PPP2R3A: variants seen among roughly 807,000 people sequenced by gnomAD.
PPP2R3A encodes the protein protein phosphatase 2 regulatory subunit B''alpha, also known as serine/threonine-protein phosphatase 2A regulatory subunit B'' subunit alpha.
Under a neutral mutation model 106.9 loss-of-function variants are expected in PPP2R3A, and 80 were observed. The observed-to-expected ratio is 0.75, with a 90% CI of 0.62 to 0.90. PPP2R3A has a LOEUF of 0.90. Ranked by LOEUF, PPP2R3A falls within the 40% of genes least tolerant of loss-of-function variation. The pLI is 0.00. For missense variants in PPP2R3A, 1,386 were observed against 1,350.4 expected, an observed-to-expected ratio of 1.03 and a Z score of -0.41; for synonymous variants, 483 against 468.3, an observed-to-expected ratio of 1.03 and a Z score of -0.41.
At chr3:135,978,952 C>G (rs1034658531) in intron 1 of PPP2R3A, among the ~76,000 whole-genome samples, 2 of 151,726 alleles carry the variant, frequency 1.3e-5, no homozygotes, top group African/African-American at 4.9e-5. Flanking sequence ...GCCACAGAAA[C>G]TTTGTAATAC....
At chr3:136,075,248 T>C (rs895055437) in intron 6 of PPP2R3A, among the ~76,000 whole-genome samples, 1 of 152,224 alleles carries the variant, frequency 6.6e-6, no homozygotes, top group South Asian at 2.1e-4. Context: ...AATGGTCAGA[T>C]TTCATTTATT....
intron 1 of PPP2R3A, among the ~76,000 whole-genome samples, chr3:135,981,967 G>A (rs917027891): frequency 2.6e-5 from 4 of 151,772 alleles, no homozygotes; most frequent in African/African-American, 9.7e-5. Flanking sequence ...CTCTGGTAGT[G>A]CTGCTTGCAG....
Position 136,047,155 on chromosome 3 carries a change from GA to G in PPP2R3A, c.2367-2100del, listed in dbSNP as rs577608404. On this transcript the variant is annotated intron_variant, in intron 4 of 13. Coordinates refer to ENST00000264977, the MANE Select transcript of PPP2R3A (RefSeq NM_002718.5). ...AGAAGGAGCGAGAGTACGCAACTTG[GA>G]AAACGTATGAGGATATAGTCCACGG... 3.9e-4 allele frequency among the ~76,000 whole-genome samples: 60 copies of G among 152,326 alleles called. 1 individual carries two copies. The South Asian group carries it at 0.012, about 29-fold the overall frequency.
intron 1 of PPP2R3A, among the ~76,000 whole-genome samples, chr3:135,978,743 G>A (rs1033258548): frequency 1.3e-5 from 2 of 151,822 alleles, no homozygotes; most frequent in Non-Finnish European, 2.9e-5. Context: ...GCTCGAAAAT[G>A]TAAGTATCAG....
intron 1 of PPP2R3A, among the ~76,000 whole-genome samples, chr3:135,971,671 A>T (rs1266141055): frequency 6.6e-6 from 1 of 152,218 alleles, no homozygotes; most frequent in Non-Finnish European, 1.5e-5. Flanking sequence ...TAACTTCTGT[A>T]TAAAGGATGA....
At chr3:135,967,214 C>T (rs1937114653) in intron 1 of PPP2R3A, among the ~76,000 whole-genome samples, 1 of 152,030 alleles carries the variant, frequency 6.6e-6, no homozygotes, top group South Asian at 2.1e-4. Flanking sequence ...AATCTAGGAG[C>T]TCAGAAATCT....
intron 8 of PPP2R3A, among the ~76,000 whole-genome samples, chr3:136,087,243 G>GTCTTTCTC (rs1491461536): frequency 2.7e-5 from 2 of 75,062 alleles, no homozygotes; most frequent in Admixed American, 2.9e-4. Context: ...GTCTCTAGTC[G>GTCTTTCTC]TGTCTCTCTC....
At chr3:136,089,645 C>T (rs1176010945) in intron 9 of PPP2R3A, among the ~76,000 whole-genome samples, 1 of 145,654 alleles carries the variant, frequency 6.9e-6, no homozygotes, top group Non-Finnish European at 1.5e-5. Context: ...CTGTGAAAAA[C>T]GACATTAGTT....
chr3:136,032,223 G>A (rs899378860), intron 3 of PPP2R3A, among the ~76,000 whole-genome samples: 3 of 152,052 alleles, frequency 2.0e-5, no homozygotes, highest in African/African-American at 7.2e-5. Context: ...ACTTGTAGAG[G>A]TCTTTCACCT....
At chr3:136,073,095 G>A (rs1013984194) in intron 6 of PPP2R3A, among the ~76,000 whole-genome samples, 6 of 152,120 alleles carry the variant, frequency 3.9e-5, no homozygotes, top group Non-Finnish European at 7.3e-5. Flanking sequence ...AGCCTCCCAA[G>A]TAGCTGGGAC....
chr3:136,015,462 CAA>C (rs1351213932), intron 2 of PPP2R3A, among the ~76,000 whole-genome samples: 1 of 150,166 alleles, frequency 6.7e-6, no homozygotes. Context: ...TTTTTGTTGG[CAA>C]TTTTTTTTTA....
chr3:135,970,298 A>G (rs1455646120), intron 1 of PPP2R3A, among the ~76,000 whole-genome samples: 2 of 152,238 alleles, frequency 1.3e-5, no homozygotes, highest in African/African-American at 4.8e-5. Context: ...TCAGAATTAA[A>G]GTGTGCAAAC....
intron 10 of PPP2R3A, among the ~76,000 whole-genome samples, chr3:136,093,143 T>C (rs1006787003): frequency 6.6e-6 from 1 of 152,232 alleles, no homozygotes; most frequent in Non-Finnish European, 1.5e-5. Context: ...ATGTGATGAC[T>C]CATGCCAGTA....
intron 7 of PPP2R3A, chr3:136,079,139 A>C: frequency 2.2e-6 from 1 of 452,586 alleles, no homozygotes; most frequent in South Asian, 1.6e-5. Context: ...TCCTATCTTC[A>C]TCTGAGACAG....
intron 12 of PPP2R3A, among the ~76,000 whole-genome samples, chr3:136,105,229 A>T (rs1440726788): frequency 6.6e-6 from 1 of 152,230 alleles, no homozygotes; most frequent in Non-Finnish European, 1.5e-5. Flanking sequence ...TGGGGAAGGT[A>T]CATTTCAGGC....
chr3:136,071,254 G>A lies in PPP2R3A; in HGVS notation c.2544+702G>A, dbSNP rs1056692818. Among the ~76,000 whole-genome samples, 4 of 152,226 alleles carry A rather than the reference G, an allele frequency of 2.6e-5. No individual in the cohort carries two copies. The East Asian group carries it at 7.7e-4, about 29-fold the overall frequency. ...GTAGCTCAGATTCCTCAGCTAAACA[G>A]GGCCGTCTCCTCTGAGGACCACCCT... On this transcript the variant is annotated intron_variant, in intron 6 of 13. Transcript: ENST00000264977.
At chr3:136,007,470 G>A (rs1933889779) in intron 2 of PPP2R3A, among the ~76,000 whole-genome samples, 1 of 152,140 alleles carries the variant, frequency 6.6e-6, no homozygotes, top group African/African-American at 2.4e-5. Context: ...ATCTTACCTA[G>A]ACCTCTAAGT....
chr3:136,102,050 G>A lies in PPP2R3A; in HGVS notation c.2971G>A (p.Val991Ile). 2.5e-6 allele frequency: 4 copies of A among 1,614,016 alleles called. No homozygotes were observed. Among genetic ancestry groups the A allele is most frequent in the African/African-American group, 1.3e-5 (1 of 75,034 alleles). ...CTGCATGGATGTGGATGGAGACGGT[G>A]TACTCTCCATGTATGAGCTGGAGTA... Reference protein sequence around the residue: ...FRCMDVDGDGVLSMYELEYFY... With the variant: ...FRCMDVDGDGILSMYELEYFY... Residue 991 changes from valine (V) to isoleucine (I), a missense_variant, in exon 11 of 14, where the codon GTA becomes ATA. Physicochemically the swap from Val to Ile is conservative, Grantham distance 29. Transcript: ENST00000264977.
chr3:135,973,038 C>T (rs966119450), intron 1 of PPP2R3A, among the ~76,000 whole-genome samples: 3 of 152,130 alleles, frequency 2.0e-5, no homozygotes, highest in Non-Finnish European at 4.4e-5. Context: ...CAGTTTACTC[C>T]TGTGTTTTCT....
Sources: gnomAD v4.1 joint callset for allele counts (sites outside exome capture counted in the v4.1 genomes callset) on GRCh38, gnomAD v4.1.1 for gene constraint, MANE v1.5 for transcripts, NCBI Gene and HGNC (gene_info 2026-07-23, HGNC 2026-07-21) for gene names.